PKHD1: variants seen among roughly 807,000 people sequenced by gnomAD.
PKHD1 encodes the protein PKHD1 ciliary IPT domain containing fibrocystin/polyductin, also known as fibrocystin.
In PKHD1, 291 loss-of-function variants were observed where a neutral mutation model predicts 412.0. The observed-to-expected ratio is 0.71, with a 90% CI of 0.64 to 0.78. PKHD1 has a LOEUF of 0.78. PKHD1 is among the 30% of genes least tolerant of loss of function. PKHD1 has a pLI of 0.00. For synonymous variants in PKHD1, 1,777 were observed against 1,821.5 expected (o/e 0.98, Z 0.62); for missense variants, 4,825 against 4,950.7 (o/e 0.97, Z 0.76).
chr6:51,852,317 C>T (rs1168237377), intron 49 of PKHD1, among the ~76,000 whole-genome samples: 1 of 152,120 alleles, frequency 6.6e-6, no homozygotes, highest in Non-Finnish European at 1.5e-5. Flanking sequence ...TGTTTTACTT[C>T]CAATTATGTG....
At chr6:51,797,526 T>C (rs914915297) in intron 52 of PKHD1, among the ~76,000 whole-genome samples, 2 of 152,230 alleles carry the variant, frequency 1.3e-5, no homozygotes, top group Non-Finnish European at 2.9e-5. Context: ...GCTCTTCTTG[T>C]TGAATTGAAC....
intron 60 of PKHD1, chr6:51,741,285 T>A (rs1177943007): frequency 2.0e-6 from 1 of 495,192 alleles, no homozygotes; most frequent in South Asian, 1.5e-5. Flanking sequence ...GCCACACCCA[T>A]GTATTTTTGG....
intron 52 of PKHD1, among the ~76,000 whole-genome samples, chr6:51,796,989 T>G (rs1794720315): frequency 6.6e-6 from 1 of 152,070 alleles, no homozygotes; most frequent in Admixed American, 6.6e-5. Context: ...AATATTTGTA[T>G]TTTTAGTAAA....
At chr6:51,663,165 C>T (rs571270789) in intron 60 of PKHD1, among the ~76,000 whole-genome samples, 1 of 152,140 alleles carries the variant, frequency 6.6e-6, no homozygotes, top group South Asian at 2.1e-4. Context: ...AGTTAGGTAA[C>T]ATTTCCTCAT....
chr6:51,887,117 A>T lies in PKHD1; in HGVS notation c.7109+16T>A. On this transcript the variant is annotated intron_variant, in intron 44 of 66. Transcript: ENST00000371117. The stretch of plus-strand genomic sequence containing the variant: ...CATAAGACAGCCAAAACATAGATGA[A>T]TTTCCCCAAAGTTACCTGGTACAAG... 1 of 1,494,828 alleles carries T rather than the reference A, an allele frequency of 6.7e-7. No individual in the cohort carries two copies. Among genetic ancestry groups the T allele is most frequent in the Non-Finnish European group, 9.3e-7 (1 of 1,071,062 alleles). The allele number at this position is 1,494,828 out of a possible 1,614,324, so 92.6% of individuals were successfully genotyped here. A position where few individuals can be genotyped will look rare whatever the true frequency, so the allele number is the denominator to read the frequency against.
intron 49 of PKHD1, among the ~76,000 whole-genome samples, chr6:51,848,728 C>G (rs1771653801): frequency 6.6e-6 from 1 of 152,142 alleles, no homozygotes; most frequent in Non-Finnish European, 1.5e-5. Context: ...CTGAATTCCT[C>G]ATGACCATGG....
At chr6:52,085,776 T>A (rs1188485048) in intron 1 of PKHD1, among the ~76,000 whole-genome samples, 1 of 152,010 alleles carries the variant, frequency 6.6e-6, no homozygotes, top group Non-Finnish European at 1.5e-5. Context: ...GCTCAGTACA[T>A]TGGAGTGGAT....
Position 51,856,118 on chromosome 6 carries a change from TC to T in PKHD1, c.7734-49del, listed in dbSNP as rs780755043. ...AAAAATGGGTTGAGAGATTATTTGCTCATTCTGAATCCAATACATTCCTCTT... is the reference window on the plus strand; with the variant it reads ...AAAAATGGGTTGAGAGATTATTTGCTATTCTGAATCCAATACATTCCTCTT... On this transcript the variant is annotated intron_variant, in intron 48 of 66. Coordinates refer to ENST00000371117, the MANE Select transcript of PKHD1 (RefSeq NM_138694.4). 2.8e-6 allele frequency: 3 copies of T among 1,075,480 alleles called. No homozygotes were observed. The South Asian group carries it at 3.8e-5, about 14-fold the overall frequency. The allele number at this position is 1,075,480 out of a possible 1,614,324, so 66.6% of individuals were successfully genotyped here.
At chr6:51,979,993 A>C (rs1794937598) in intron 35 of PKHD1, among the ~76,000 whole-genome samples, 1 of 152,086 alleles carries the variant, frequency 6.6e-6, no homozygotes, top group Admixed American at 6.5e-5. Context: ...ATTTACATCA[A>C]TGTTTCACCT....
intron 15 of PKHD1, 53 bp from the exon 16 acceptor site, chr6:52,058,654 C>T: frequency 3.9e-6 from 6 of 1,555,752 alleles, no homozygotes; most frequent in Non-Finnish European, 5.3e-6. Flanking sequence ...CCAGGCATCT[C>T]TTTCTCAAAC....
intron 35 of PKHD1, among the ~76,000 whole-genome samples, chr6:51,985,116 A>G (rs1484970737): frequency 6.6e-6 from 1 of 152,196 alleles, no homozygotes; most frequent in Non-Finnish European, 1.5e-5. Flanking sequence ...TGGTACAACT[A>G]TATTATTTTG....
rs2128141397 is a variant in PKHD1 at position 52,024,594 on chromosome 6, G to A, written c.5216C>T (p.Thr1739Ile). ...ALVFTSRVII[T>I]AVTENFGCLG... is the part of the protein sequence containing the mutation. ...CTTACCGAAGTTCTCCGTCACTGCT[G>A]TAATAATAACTCTTGAGGTGAACAC... is the stretch of plus-strand genomic sequence containing the variant. The change falls in exon 32 of 67, where the codon ACA (threonine) becomes ATA (isoleucine). Residue 1739 changes from threonine (T) to isoleucine (I), a missense_variant. Coordinates refer to ENST00000371117, the MANE Select transcript of PKHD1 (RefSeq NM_138694.4). 6.2e-7 allele frequency: 1 copy of A among 1,614,108 alleles called. No homozygotes were observed. Among genetic ancestry groups the A allele is most frequent in the Non-Finnish European group, 8.5e-7 (1 of 1,180,000 alleles).
chr6:52,045,921 C>A, intron 24 of PKHD1, 83 bp downstream of exon 24: 1 of 918,622 alleles, frequency 1.1e-6, no homozygotes, highest in Non-Finnish European at 1.8e-6. Context: ...TGACAGTTTC[C>A]ATTTGTATAA....
intron 55 of PKHD1, among the ~76,000 whole-genome samples, chr6:51,757,316 G>C (rs186895943): frequency 6.6e-5 from 10 of 152,154 alleles, no homozygotes; most frequent in African/African-American, 2.4e-4. Context: ...TAATACTATG[G>C]GAGTACATAT....
chr6:51,977,841 G>T (rs560294444), intron 35 of PKHD1, among the ~76,000 whole-genome samples: 30 of 152,252 alleles, frequency 2.0e-4, no homozygotes, highest in Admixed American at 3.9e-4. Context: ...GCACTGGTTT[G>T]GGGGCAAGCT....
intron 60 of PKHD1, among the ~76,000 whole-genome samples, chr6:51,717,981 T>G (rs889843981): frequency 6.6e-6 from 1 of 152,210 alleles, no homozygotes; most frequent in African/African-American, 2.4e-5. Flanking sequence ...AAAAGGCCTT[T>G]CTCTCAACAC....
At chr6:51,669,323 T>C (rs973525636) in intron 60 of PKHD1, among the ~76,000 whole-genome samples, 2 of 152,256 alleles carry the variant, frequency 1.3e-5, no homozygotes, top group Admixed American at 1.3e-4. Context: ...TATTTTCTAG[T>C]TTATTTGCAT....
intron 60 of PKHD1, among the ~76,000 whole-genome samples, chr6:51,738,664 C>A (rs1035386057): frequency 1.3e-5 from 2 of 152,160 alleles, no homozygotes; most frequent in African/African-American, 4.8e-5. Context: ...AAAATCCAAA[C>A]CTTTTACTCT....
chr6:51,989,061 G>A (rs868551000), intron 35 of PKHD1, among the ~76,000 whole-genome samples: 3 of 152,122 alleles, frequency 2.0e-5, no homozygotes. Context: ...TTTTGGAAGC[G>A]ATATCTTTAT....
Sources: allele counts gnomAD v4.1 joint callset (sites outside exome capture counted in the v4.1 genomes callset), GRCh38; gene constraint gnomAD v4.1.1; transcripts MANE v1.5; gene names NCBI Gene and HGNC (gene_info 2026-07-23, HGNC 2026-07-21).